CAP2: variants seen among roughly 807,000 people sequenced by gnomAD.
CAP2 encodes cyclase associated actin cytoskeleton regulatory protein 2.
In CAP2, 24 loss-of-function variants were observed where a neutral mutation model predicts 57.7. The observed-to-expected ratio is 0.42, with a 90% CI of 0.30 to 0.58. The LOEUF (loss-of-function observed/expected upper bound fraction) is 0.58, where lower values mean the gene tolerates loss of function less well. Among genes scored for constraint, CAP2 ranks in the 20% least tolerant of loss-of-function variants. CAP2 has a pLI of 0.22. For synonymous variants in CAP2, 194 were observed against 207.2 expected (o/e 0.94, Z 0.55); for missense variants, 501 against 590.3 (o/e 0.85, Z 1.57).
chr6:17,432,422 T>G (rs776621437), intron 3 of CAP2, among the ~76,000 whole-genome samples: 2 of 152,210 alleles, frequency 1.3e-5, no homozygotes, highest in Non-Finnish European at 2.9e-5. Flanking sequence ...GCCAACTTGC[T>G]CTTCCCATGA....
At chr6:17,548,089 C>T (rs1225134309) in intron 11 of CAP2, among the ~76,000 whole-genome samples, 4 of 152,006 alleles carry the variant, frequency 2.6e-5, no homozygotes, top group Admixed American at 6.6e-5. Flanking sequence ...CAATAGAGGC[C>T]GAGCGTGGTG....
intron 1 of CAP2, among the ~76,000 whole-genome samples, chr6:17,405,831 C>T (rs1231136301): frequency 6.6e-6 from 1 of 152,162 alleles, no homozygotes; most frequent in Non-Finnish European, 1.5e-5. Flanking sequence ...GCCTCGACCT[C>T]CTGGGCTCAA....
chr6:17,542,050 G>T (rs1235677913), intron 9 of CAP2, among the ~76,000 whole-genome samples: 3 of 152,090 alleles, frequency 2.0e-5, no homozygotes, highest in Non-Finnish European at 4.4e-5. Flanking sequence ...TTTTCATCTT[G>T]CAGAACCAAA....
At position 17,531,696 on chromosome 6, in the gene CAP2, G is replaced by A. The variant is rs1762644547; in HGVS notation, c.637-7573G>A. On this transcript the variant is annotated intron_variant, in intron 7 of 12. Coordinates refer to ENST00000229922, the MANE Select transcript of CAP2 (RefSeq NM_006366.3). ...TAAAAATGGGTAAGAACACTAATAG[G>A]TTGTCTGACCTGTACTTAAAGTTGG... The A allele has an allele frequency of 1.3e-5, 9 of 687,756 alleles. No individual in the cohort carries two copies. The South Asian group carries it at 1.5e-4, about 11-fold the overall frequency. The allele number at this position is 687,756 out of a possible 1,614,324, so 42.6% of individuals were successfully genotyped here.
rs1028608735 is a variant in CAP2, at chr6:17,510,200, G to T, written c.530+2474G>T. On this transcript the variant is annotated intron_variant, in intron 6 of 12. Transcript: ENST00000229922. ...TAATGGGTGTAGGGTTTCTTTTGGG[G>T]GGTGATGAATTATGTTCTAAAATTG... Among the ~76,000 whole-genome samples the T allele has an allele frequency of 2.6e-5, 4 of 151,980 alleles. No individual in the cohort carries two copies. The East Asian group carries it at 7.7e-4, about 29-fold the overall frequency.
chr6:17,453,839 C>T (rs111256015), intron 3 of CAP2, among the ~76,000 whole-genome samples: 316 of 151,798 alleles, frequency 2.1e-3, no homozygotes, highest in African/African-American at 6.8e-3. Flanking sequence ...TTTGGAGAGG[C>T]GGAGACCTGT....
intron 4 of CAP2, among the ~76,000 whole-genome samples, chr6:17,487,239 C>T (rs1016719275): frequency 2.0e-5 from 3 of 152,098 alleles, no homozygotes; most frequent in African/African-American, 7.2e-5. Flanking sequence ...CGTCCCCAGT[C>T]GCTTATCAAG....
At chr6:17,492,827 C>A (rs1761576545) in intron 4 of CAP2, among the ~76,000 whole-genome samples, 1 of 146,396 alleles carries the variant, frequency 6.8e-6, no homozygotes. Context: ...TGTTTACTGT[C>A]TGTTTACTGC....
intron 4 of CAP2, among the ~76,000 whole-genome samples, chr6:17,478,636 C>A (rs1023853198): frequency 2.6e-5 from 4 of 151,970 alleles, no homozygotes; most frequent in African/African-American, 7.3e-5. Flanking sequence ...AAAACCAAAC[C>A]AAACAAAACA....
intron 11 of CAP2, among the ~76,000 whole-genome samples, chr6:17,543,529 G>C (rs1476620658): frequency 2.0e-5 from 3 of 151,686 alleles, no homozygotes; most frequent in African/African-American, 7.3e-5. Context: ...GCTGAGGCGG[G>C]AGAATGGCGT....
Position 17,460,583 on chromosome 6 carries a change from A to C in CAP2, c.223-2413A>C, listed in dbSNP as rs1028126352. On this transcript the variant is annotated intron_variant, in intron 3 of 12. Transcript: ENST00000229922. Reference sequence around the variant, plus strand: ...TCAGTCAATACTATCTAGAATTATAACATGTCATTTTAGAGTGCAAATACA... The same window carrying C: ...TCAGTCAATACTATCTAGAATTATACCATGTCATTTTAGAGTGCAAATACA... 8.5e-5 allele frequency among the ~76,000 whole-genome samples: 13 copies of C among 152,332 alleles called. No individual in the cohort carries two copies. In the East Asian group the frequency reaches 2.1e-3, roughly 25 times the overall value.
At chr6:17,400,455 G>T (rs1481692908) in intron 1 of CAP2, among the ~76,000 whole-genome samples, 1 of 152,154 alleles carries the variant, frequency 6.6e-6, no homozygotes, top group African/African-American at 2.4e-5. Context: ...AGTGAAGGAA[G>T]ATAGAATGAA....
intron 4 of CAP2, among the ~76,000 whole-genome samples, chr6:17,499,268 A>G (rs1761740258): frequency 6.6e-6 from 1 of 151,084 alleles, no homozygotes; most frequent in Admixed American, 6.6e-5. Context: ...GCGTGGTGGC[A>G]CACGCCTGTA....
chr6:17,544,619 C>T (rs916011504), intron 11 of CAP2, among the ~76,000 whole-genome samples: 5 of 151,616 alleles, frequency 3.3e-5, no homozygotes, highest in East Asian at 1.9e-4. Flanking sequence ...GGCGCAATCT[C>T]GGCACACTAC....
At chr6:17,398,936 C>G (rs1758739413) in intron 1 of CAP2, among the ~76,000 whole-genome samples, 1 of 152,218 alleles carries the variant, frequency 6.6e-6, no homozygotes, top group Non-Finnish European at 1.5e-5. Flanking sequence ...GAAACTGAAA[C>G]TTTGTACCCA....
At chr6:17,397,275 G>T (rs867757304) in intron 1 of CAP2, among the ~76,000 whole-genome samples, 20 of 151,974 alleles carry the variant, frequency 1.3e-4, no homozygotes, top group Non-Finnish European at 2.5e-4. Context: ...GCCCAGGCTG[G>T]TCTCAAACTC....
At chr6:17,509,742 T>C (rs543338824) in intron 6 of CAP2, among the ~76,000 whole-genome samples, 1 of 152,064 alleles carries the variant, frequency 6.6e-6, no homozygotes, top group Non-Finnish European at 1.5e-5. Flanking sequence ...TGAAAACATA[T>C]GTTCACCCAA....
At chr6:17,525,865 GT>G (rs1406505827) in intron 7 of CAP2, among the ~76,000 whole-genome samples, 1 of 152,160 alleles carries the variant, frequency 6.6e-6, no homozygotes, top group Non-Finnish European at 1.5e-5. Context: ...TGCCTGCCAC[GT>G]CTGGGAACAC....
At chr6:17,551,749 C>A (rs998135113) in intron 12 of CAP2, 145 bp downstream of exon 12, 3 of 621,436 alleles carry the variant, frequency 4.8e-6, no homozygotes. Flanking sequence ...GAGCTGTCTT[C>A]CACATCTCTT....
Sources: gnomAD v4.1 joint callset for allele counts (sites outside exome capture counted in the v4.1 genomes callset) on GRCh38, gnomAD v4.1.1 for gene constraint, MANE v1.5 for transcripts, NCBI Gene and HGNC (gene_info 2026-07-23, HGNC 2026-07-21) for gene names.